The following MAP1B variants were observed in gnomAD, a reference collection of about 807,000 sequenced individuals.
MAP1B encodes microtubule-associated protein 1B.
MAP1B carries 12 observed loss-of-function variants against 176.1 expected under a neutral mutation model. The ratio of observed to expected loss-of-function variants is 0.07; its 90% confidence interval spans 0.04 to 0.11. MAP1B has a LOEUF of 0.11. Among genes scored for constraint, MAP1B ranks in the 10% least tolerant of loss-of-function variants. The pLI is 1.00. For synonymous variants in MAP1B, 1,044 were observed against 1,135.0 expected (o/e 0.92, Z 1.61); for missense variants, 2,523 against 2,990.5 (o/e 0.84, Z 3.65).
At position 72,199,233 on chromosome 5, in the gene MAP1B, A is replaced by C; in HGVS notation, c.5878A>C (p.Ser1960Arg). 6.2e-7 allele frequency: 1 copy of C among 1,614,082 alleles called. No homozygotes were observed. The highest frequency in any genetic ancestry group is 8.5e-7 in the Non-Finnish European group (1 of 1,179,978). The change falls in exon 5 of 7, where the codon AGT becomes CGT. Residue 1960 changes from serine (S) to arginine (R), a missense_variant. Physicochemically the swap from Ser to Arg is moderately radical, Grantham distance 110. This residue lies in a region of MAP1B where 1,925 missense variants were observed against 2,126.0 expected (regional missense o/e 0.91). Transcript: ENST00000296755. This position sits in a 1 kb window ranked among gnomAD's most constrained non-coding sequence, Gnocchi z 4.2. ...AGAGGGTGGGTACTCATATGACATA[A>C]GTGAAAAGACCACCAGCCCCCCCGA... Reference protein sequence around the residue: ...PEEGGYSYDISEKTTSPPEVS... With the variant: ...PEEGGYSYDIREKTTSPPEVS...
intron 4 of MAP1B, among the ~76,000 whole-genome samples, chr5:72,189,736 TA>T (rs1299380263): frequency 6.6e-6 from 1 of 150,454 alleles, no homozygotes; most frequent in East Asian, 1.9e-4. Flanking sequence ...AAAAATAAAA[TA>T]AAAAGAAGAG....
intron 2 of MAP1B, among the ~76,000 whole-genome samples, chr5:72,124,311 G>A (rs997063146): frequency 6.6e-6 from 1 of 152,152 alleles, no homozygotes; most frequent in Non-Finnish European, 1.5e-5. Flanking sequence ...CGCACTTAGT[G>A]CACCACAGGG....
rs147013566 is a variant in MAP1B, at chr5:72,186,656, G to A, written c.412G>A (p.Val138Met). Residue 138 changes from valine to methionine, a missense_variant, in exon 4 of 7, where the codon GTG becomes ATG. By Grantham distance (21) the Val-to-Met change is conservative (BLOSUM62 1). Coordinates refer to ENST00000296755, the MANE Select transcript of MAP1B (RefSeq NM_005909.5). This position sits in a 1 kb window ranked among gnomAD's most constrained non-coding sequence, Gnocchi z 4.3. ...ITDAARHKLL[V>M]LTGQCFENTG... ...TGATGCTGCCCGACACAAGCTGCTC[G>A]TGCTGACCGGGCAGTGCTTTGAAAA... The A allele has an allele frequency of 7.2e-5, 116 of 1,614,216 alleles. No individual in the cohort carries two copies. The highest frequency in any genetic ancestry group is 1.6e-4 in the East Asian group (7 of 44,886).
rs559502365 is a variant in MAP1B, at chr5:72,199,458, C to G, written c.6103C>G (p.Pro2035Ala). ...GACATCTACAAAGACAACACGAACC[C>G]CTGATACTTCCACATACTGTTACGA... Reference protein sequence around the residue: ...YETSTKTTRTPDTSTYCYETA... With the variant: ...YETSTKTTRTADTSTYCYETA... Residue 2035 changes from proline to alanine, a missense_variant, in exon 5 of 7, where the codon CCT becomes GCT. By Grantham distance (27) the Pro-to-Ala change is conservative. Coordinates refer to ENST00000296755, the MANE Select transcript of MAP1B (RefSeq NM_005909.5). The surrounding 1 kb of genome is among the most constrained non-coding windows in gnomAD (Gnocchi z 4.2). 2.5e-6 allele frequency: 4 copies of G among 1,614,110 alleles called. 1 individual carries two copies. In the East Asian group the frequency reaches 8.9e-5, roughly 36 times the overall value.
intron 2 of MAP1B, among the ~76,000 whole-genome samples, chr5:72,163,034 C>T (rs1020824381): frequency 2.0e-5 from 3 of 152,022 alleles, no homozygotes; most frequent in Non-Finnish European, 4.4e-5. Context: ...TCGAGACCAG[C>T]CTGGCCAACA....
intron 2 of MAP1B, among the ~76,000 whole-genome samples, chr5:72,120,425 CTTTTT>C (rs775411933): frequency 1.5e-5 from 2 of 134,388 alleles, no homozygotes; most frequent in Admixed American, 7.5e-5. Flanking sequence ...TAGTTTCTTT[CTTTTT>C]TTTTTTTTTT....
At chr5:72,180,760 C>T (rs1746747210) in intron 2 of MAP1B, among the ~76,000 whole-genome samples, 1 of 152,212 alleles carries the variant, frequency 6.6e-6, no homozygotes, top group African/African-American at 2.4e-5. Flanking sequence ...TATTCTGCCA[C>T]CGTTGCCTTT....
chr5:72,195,292 C>T lies in MAP1B; in HGVS notation c.1937C>T (p.Pro646Leu). The T allele has an allele frequency of 1.2e-6, 2 of 1,612,628 alleles. No individual in the cohort carries two copies. The highest frequency in any genetic ancestry group is 1.7e-6 in the Non-Finnish European group (2 of 1,179,738). ...GTGAAAAAGGAAACAAAGGTAAAGC[C>T]TGAAGACAAGAAAGAGGAGAAAGAA... ...KTVKKETKVK[P>L]EDKKEEKEKP... The change falls in exon 5 of 7, where the codon CCT (proline) becomes CTT (leucine). Residue 646 changes from proline (P) to leucine (L), a missense_variant. By Grantham distance (98) the Pro-to-Leu change is moderately conservative (BLOSUM62 -3). This residue lies in a region of MAP1B where 1,925 missense variants were observed against 2,126.0 expected (regional missense o/e 0.91). Coordinates refer to ENST00000296755, the MANE Select transcript of MAP1B (RefSeq NM_005909.5).
At position 72,194,088 on chromosome 5, in the gene MAP1B, A is replaced by G; in HGVS notation, c.733A>G (p.Ile245Val). 8 of 1,614,208 alleles carry G rather than the reference A, an allele frequency of 5.0e-6. No homozygotes were observed. In the South Asian group the frequency reaches 5.5e-5, roughly 11 times the overall value. ...ESVEVPSPFD[I>V]LEPPTSGGFL... ...AGTGGAAGTCCCATCTCCCTTTGACATCTTGGAACCTCCCACATCGGGTGG... is the reference window on the plus strand; with the variant it reads ...AGTGGAAGTCCCATCTCCCTTTGACGTCTTGGAACCTCCCACATCGGGTGG... The change falls in exon 5 of 7, where the codon ATC (isoleucine) becomes GTC (valine). Residue 245 changes from isoleucine (I) to valine (V), a missense_variant. By Grantham distance (29) the Ile-to-Val change is conservative. Transcript: ENST00000296755. The surrounding 1 kb of genome is among the most constrained non-coding windows in gnomAD (Gnocchi z 7.2).
In MAP1B at chr5:72,119,859, A is replaced by C. The variant is rs149541110; in HGVS notation, c.286+4060A>C. ...GTTATGATTTTAAATACTATCATAA[A>C]ATTTTTATTTACCTATTATATCATA... On this transcript the variant is annotated intron_variant, in intron 2 of 6. Coordinates refer to ENST00000296755, the MANE Select transcript of MAP1B (RefSeq NM_005909.5). 5.3e-4 allele frequency among the ~76,000 whole-genome samples: 81 copies of C among 152,300 alleles called. No homozygotes were observed. In the East Asian group the frequency reaches 0.015, roughly 28 times the overall value.
At chr5:72,166,093 C>T (rs1164701145) in intron 2 of MAP1B, among the ~76,000 whole-genome samples, 1 of 152,214 alleles carries the variant, frequency 6.6e-6, no homozygotes, top group African/African-American at 2.4e-5. Flanking sequence ...CTTCTGGCTG[C>T]AAGTCCCAGG....
At chr5:72,158,484 T>C (rs556340906) in intron 2 of MAP1B, among the ~76,000 whole-genome samples, 195 of 152,288 alleles carry the variant, frequency 1.3e-3, no homozygotes, top group African/African-American at 4.5e-3. Context: ...AAAATGTGAA[T>C]GGATTCCTTT....
intron 2 of MAP1B, among the ~76,000 whole-genome samples, chr5:72,146,477 G>A (rs1446317927): frequency 6.6e-6 from 1 of 152,188 alleles, no homozygotes; most frequent in Non-Finnish European, 1.5e-5. Flanking sequence ...CGTAGATAAC[G>A]TTTACTAAAT....
chr5:72,169,039 A>C (rs951478704), intron 2 of MAP1B, among the ~76,000 whole-genome samples: 1 of 152,234 alleles, frequency 6.6e-6, no homozygotes, highest in African/African-American at 2.4e-5. Flanking sequence ...TTGTTAAGGT[A>C]AGAAATCAAC....
At chr5:72,183,369 C>T (rs1286306843) in intron 2 of MAP1B, among the ~76,000 whole-genome samples, 2 of 152,284 alleles carry the variant, frequency 1.3e-5, no homozygotes, top group East Asian at 1.9e-4. Flanking sequence ...AAGGCTGATA[C>T]GGAGAAACAT....
At chr5:72,178,725 GGTGTGTGTGTGTGTGTGTGTGTGT>G (rs34082751) in intron 2 of MAP1B, among the ~76,000 whole-genome samples, 2 of 140,506 alleles carry the variant, frequency 1.4e-5, no homozygotes, top group Non-Finnish European at 1.5e-5. Context: ...GCCTCTGAGG[GGTGTGTGTGTGTGTGTGTGTGTGT>G]GTGTGTGTGT....
At chr5:72,118,608 G>A (rs1579980996) in intron 2 of MAP1B, among the ~76,000 whole-genome samples, 1 of 150,860 alleles carries the variant, frequency 6.6e-6, no homozygotes, top group East Asian at 2.0e-4. Context: ...AGATTTTTGG[G>A]AGGTTTGGGT....
Position 72,199,936 on chromosome 5 carries a change from C to G in MAP1B, c.6581C>G (p.Thr2194Arg), listed in dbSNP as rs746663170. The change falls in exon 5 of 7, where the codon ACG becomes AGG. Residue 2194 changes from threonine to arginine, a missense_variant. Thr to Arg is a moderately conservative substitution (Grantham distance 71). Around this residue, in one of 4 missense-constraint regions of MAP1B, gnomAD observed 287 missense variants for 401.5 expected, o/e 0.71. Transcript: ENST00000296755. The surrounding 1 kb of genome is among the most constrained non-coding windows in gnomAD (Gnocchi z 4.2). Reference sequence around the variant, plus strand: ...ACCATCCCCACAGACAAAACTGTCACGTACAAACACATGGACCCACCTCCA... The same window carrying G: ...ACCATCCCCACAGACAAAACTGTCAGGTACAAACACATGGACCCACCTCCA... ...SETIPTDKTV[T>R]YKHMDPPPAP... The G allele has an allele frequency of 1.2e-6, 2 of 1,614,072 alleles. No individual in the cohort carries two copies. Among genetic ancestry groups the G allele is most frequent in the Non-Finnish European group, 1.7e-6 (2 of 1,180,044 alleles).
chr5:72,178,806 G>T (rs1284399972), intron 2 of MAP1B, among the ~76,000 whole-genome samples: 1 of 151,088 alleles, frequency 6.6e-6, no homozygotes, highest in Non-Finnish European at 1.5e-5. Context: ...AAGAGATCCC[G>T]CAAGCATCCT....
Sources: allele counts gnomAD v4.1 joint callset (sites outside exome capture counted in the v4.1 genomes callset), GRCh38; gene constraint gnomAD v4.1.1; regional missense constraint gnomAD v4.1.1; non-coding constraint Gnocchi (gnomAD v3.1); transcripts MANE v1.5; gene names NCBI Gene and HGNC (gene_info 2026-07-23, HGNC 2026-07-21).